Variants in CFAP299 observed in about 807,000 individuals in gnomAD.
CFAP299 encodes the protein cilia- and flagella-associated protein 299.
A neutral mutation model predicts 27.0 loss-of-function variants in CFAP299; 21 were observed. That is an observed-to-expected ratio of 0.78 (90% CI 0.55 to 1.12). CFAP299 has a LOEUF of 1.12. CFAP299 is among the 50% of genes most tolerant of loss of function. The probability of loss-of-function intolerance (pLI) is 0.00; values close to 1 mark genes in which losing one functional copy is unlikely to be tolerated. For missense variants in CFAP299, 310 were observed against 276.6 expected (o/e 1.12, Z -0.86); for synonymous variants, 104 against 98.1 (o/e 1.06, Z -0.36).
intron 2 of CFAP299, among the ~76,000 whole-genome samples, chr4:80,539,526 G>A (rs899639744): frequency 6.6e-6 from 1 of 152,094 alleles, no homozygotes; most frequent in Non-Finnish European, 1.5e-5. Flanking sequence ...TTAGTTTTCT[G>A]GTACTTGGCT....
rs185311323 is a variant in CFAP299 at position 80,485,735 on chromosome 4, A to G, written c.243-97358A>G. ...AAGGATAGATGAAGCAAATATGTCAATGTTAACTAAAAACATTAAGTCTTT... is the reference window on the plus strand; with the variant it reads ...AAGGATAGATGAAGCAAATATGTCAGTGTTAACTAAAAACATTAAGTCTTT... On this transcript the variant is annotated intron_variant, in intron 2 of 5. Coordinates refer to ENST00000358105, the MANE Select transcript of CFAP299 (RefSeq NM_152770.3). Among the ~76,000 whole-genome samples the G allele has an allele frequency of 2.7e-3, 417 of 152,322 alleles. 1 individual carries two copies. Among genetic ancestry groups the G allele is most frequent in the Middle Eastern group, 6.8e-3 (2 of 294 alleles).
At chr4:80,735,816 T>C (rs1043284425) in intron 3 of CFAP299, among the ~76,000 whole-genome samples, 3 of 152,168 alleles carry the variant, frequency 2.0e-5, no homozygotes, top group Non-Finnish European at 4.4e-5. Context: ...ATCTTTTTAA[T>C]GTATTATTGA....
intron 2 of CFAP299, among the ~76,000 whole-genome samples, chr4:80,526,902 A>T (rs1733210968): frequency 1.3e-5 from 2 of 152,158 alleles, no homozygotes; most frequent in Admixed American, 1.3e-4. Flanking sequence ...GTTACAACAA[A>T]TTACGCAACA....
At chr4:80,376,226 G>C (rs150327565) in intron 2 of CFAP299, among the ~76,000 whole-genome samples, 1 of 151,762 alleles carries the variant, frequency 6.6e-6, no homozygotes, top group Non-Finnish European at 1.5e-5. Context: ...TTTTCTATAT[G>C]GTTGCATGAA....
At chr4:80,478,297 T>C (rs1730381231) in intron 2 of CFAP299, among the ~76,000 whole-genome samples, 1 of 152,170 alleles carries the variant, frequency 6.6e-6, no homozygotes, top group South Asian at 2.1e-4. Context: ...TCATCATGCA[T>C]GTTTCTTCTT....
intron 2 of CFAP299, among the ~76,000 whole-genome samples, chr4:80,506,222 T>C (rs1171524354): frequency 1.3e-5 from 2 of 152,074 alleles, no homozygotes; most frequent in Non-Finnish European, 2.9e-5. Context: ...TATATCTTAG[T>C]ATTGGTTCTC....
intron 3 of CFAP299, among the ~76,000 whole-genome samples, chr4:80,819,568 G>A (rs1729594696): frequency 6.6e-6 from 1 of 152,154 alleles, no homozygotes. Flanking sequence ...AACTGATGTG[G>A]AGGAATAAAT....
chr4:80,433,565 G>C (rs1387776251), intron 2 of CFAP299, among the ~76,000 whole-genome samples: 1 of 152,034 alleles, frequency 6.6e-6, no homozygotes, highest in Non-Finnish European at 1.5e-5. Flanking sequence ...TAGTTCACTT[G>C]GTTGTCACTG....
chr4:80,380,248 C>T (rs993322649), intron 2 of CFAP299, among the ~76,000 whole-genome samples: 1 of 151,894 alleles, frequency 6.6e-6, no homozygotes, highest in Admixed American at 6.6e-5. Context: ...TCCGTCCTAG[C>T]CTCTTTGAGC....
intron 3 of CFAP299, among the ~76,000 whole-genome samples, chr4:80,637,888 C>A (rs936540641): frequency 6.6e-6 from 1 of 152,192 alleles, no homozygotes; most frequent in Non-Finnish European, 1.5e-5. Context: ...AAAGTCAGTA[C>A]AATCTCTGTA....
chr4:80,641,360 A>G (rs1739717842), intron 3 of CFAP299, among the ~76,000 whole-genome samples: 1 of 152,050 alleles, frequency 6.6e-6, no homozygotes, highest in South Asian at 2.1e-4. Flanking sequence ...ACACACCACC[A>G]TGCCAGGCTA....
At chr4:80,632,171 T>C (rs1007149753) in intron 3 of CFAP299, among the ~76,000 whole-genome samples, 3 of 152,132 alleles carry the variant, frequency 2.0e-5, no homozygotes, top group African/African-American at 7.2e-5. Context: ...GCAACCTAAA[T>C]GGATTAGGGC....
At chr4:80,376,716 A>G (rs1724430857) in intron 2 of CFAP299, among the ~76,000 whole-genome samples, 1 of 152,154 alleles carries the variant, frequency 6.6e-6, no homozygotes, top group South Asian at 2.1e-4. Flanking sequence ...ATGCAATGGC[A>G]TGATTTTGGC....
At chr4:80,627,688 A>G (rs959800659) in intron 3 of CFAP299, among the ~76,000 whole-genome samples, 4 of 152,064 alleles carry the variant, frequency 2.6e-5, no homozygotes, top group Non-Finnish European at 5.9e-5. Flanking sequence ...TAGTGTTTCT[A>G]TTCACTAATA....
At chr4:80,891,621 C>T (rs796248053) in intron 4 of CFAP299, among the ~76,000 whole-genome samples, 1,059 of 38,322 alleles carry the variant, frequency 0.028, 23 homozygotes, top group Non-Finnish European at 0.038. Context: ...GTGGTGGGGT[C>T]GGGGGAGGGG....
At chr4:80,575,117 TA>T (rs773465204) in intron 2 of CFAP299, among the ~76,000 whole-genome samples, 1 of 152,146 alleles carries the variant, frequency 6.6e-6, no homozygotes, top group African/African-American at 2.4e-5. Context: ...GGGAGACTTT[TA>T]ATTTCAGCTT....
chr4:80,460,003 A>G (rs1216139728), intron 2 of CFAP299, among the ~76,000 whole-genome samples: 2 of 152,186 alleles, frequency 1.3e-5, no homozygotes, highest in Admixed American at 6.5e-5. Flanking sequence ...AAAGAACCAG[A>G]TGGTTGATGT....
intron 2 of CFAP299, among the ~76,000 whole-genome samples, chr4:80,513,218 A>G (rs1162284835): frequency 6.6e-6 from 1 of 152,162 alleles, no homozygotes; most frequent in Non-Finnish European, 1.5e-5. Flanking sequence ...CCTACTTAAT[A>G]TAGGGAATTT....
At chr4:80,802,961 A>G (rs1321477526) in intron 3 of CFAP299, among the ~76,000 whole-genome samples, 1 of 152,092 alleles carries the variant, frequency 6.6e-6, no homozygotes, top group Admixed American at 6.6e-5. Context: ...GGAAGCTCAT[A>G]TAAATGACGT....
Sources: allele counts gnomAD v4.1 joint callset (sites outside exome capture counted in the v4.1 genomes callset), GRCh38; gene constraint gnomAD v4.1.1; transcripts MANE v1.5; gene names NCBI Gene and HGNC (gene_info 2026-07-23, HGNC 2026-07-21).